SLC44A5: variants seen among roughly 807,000 people sequenced by gnomAD.
SLC44A5 encodes the protein choline transporter-like protein 5.
SLC44A5 carries 57 observed loss-of-function variants against 101.8 expected under a neutral mutation model. The observed-to-expected ratio is 0.56, with a 90% CI of 0.45 to 0.70. The LOEUF (loss-of-function observed/expected upper bound fraction) is 0.70. SLC44A5 is among the 30% of genes least tolerant of loss of function. The pLI, the probability that SLC44A5 is intolerant of heterozygous loss-of-function variation, is 0.00. For synonymous variants in SLC44A5, 281 were observed against 290.9 expected (o/e 0.97, Z 0.35); for missense variants, 737 against 853.1 (o/e 0.86, Z 1.70).
chr1:75,471,907 C>A (rs989225279), intron 2 of SLC44A5, among the ~76,000 whole-genome samples: 7 of 151,468 alleles, frequency 4.6e-5, no homozygotes, highest in Non-Finnish European at 2.9e-5. Flanking sequence ...ATTTATAATG[C>A]CACTTCCTGG....
At chr1:75,426,766 C>T (rs190353627) in intron 2 of SLC44A5, among the ~76,000 whole-genome samples, 2 of 152,308 alleles carry the variant, frequency 1.3e-5, no homozygotes, top group East Asian at 3.9e-4. Flanking sequence ...ACAGCTGAAG[C>T]CACTCACGAC....
intron 23 of SLC44A5, among the ~76,000 whole-genome samples, chr1:75,204,079 C>T (rs1273291217): frequency 6.6e-6 from 1 of 152,020 alleles, no homozygotes; most frequent in African/African-American, 2.4e-5. Flanking sequence ...CAGATTCTGC[C>T]AATATTGCGT....
chr1:75,590,779 A>G (rs388916), intron 1 of SLC44A5, among the ~76,000 whole-genome samples: 119,031 of 151,916 alleles, frequency 0.78, 47,041 homozygotes, highest in East Asian at 0.94. Context: ...TGCCAGGTCA[A>G]CAACAATAAA....
At chr1:75,606,629 C>T (rs1422456222) in intron 1 of SLC44A5, among the ~76,000 whole-genome samples, 1 of 151,920 alleles carries the variant, frequency 6.6e-6, no homozygotes, top group East Asian at 1.9e-4. Context: ...CCTCTTCATT[C>T]TCTCTTAACC....
chr1:75,457,219 C>A (rs747475862), intron 2 of SLC44A5, among the ~76,000 whole-genome samples: 2 of 152,068 alleles, frequency 1.3e-5, no homozygotes, highest in Non-Finnish European at 2.9e-5. Context: ...GAAAGAAAAG[C>A]TTTATCAAGT....
At chr1:75,296,808 G>A (rs1654001833) in intron 5 of SLC44A5, among the ~76,000 whole-genome samples, 2 of 152,030 alleles carry the variant, frequency 1.3e-5, no homozygotes. Flanking sequence ...ACCAAATTTT[G>A]TTCTGCTTAT....
At chr1:75,451,331 T>A (rs868810048) in intron 2 of SLC44A5, among the ~76,000 whole-genome samples, 1 of 152,122 alleles carries the variant, frequency 6.6e-6, no homozygotes, top group Non-Finnish European at 1.5e-5. Context: ...AGCCAATTCT[T>A]ACCTATAAGC....
the SLC44A5 span, among the ~76,000 whole-genome samples, chr1:75,703,332 A>G: frequency 6.6e-6 from 1 of 152,176 alleles, no homozygotes; most frequent in Non-Finnish European, 1.5e-5. Flanking sequence ...ATGCAGACAT[A>G]AAAAAGGATG....
At chr1:75,341,711 A>C (rs980900203) in intron 3 of SLC44A5, among the ~76,000 whole-genome samples, 15 of 151,968 alleles carry the variant, frequency 9.9e-5, no homozygotes, top group Non-Finnish European at 1.9e-4. Context: ...CTCTGGCTTC[A>C]TTTTCTGCTC....
the SLC44A5 span, among the ~76,000 whole-genome samples, chr1:75,699,847 G>C: frequency 6.6e-6 from 1 of 152,016 alleles, no homozygotes; most frequent in Non-Finnish European, 1.5e-5. Context: ...AAAGGCAGGG[G>C]TTGCAATCCT....
At chr1:75,491,718 AGCAC>A (rs966999316) in intron 2 of SLC44A5, among the ~76,000 whole-genome samples, 16 of 148,610 alleles carry the variant, frequency 1.1e-4, no homozygotes, top group South Asian at 1.1e-3. Context: ...TACACACACA[AGCAC>A]GCACGCACGC....
chr1:75,691,333 G>A, the SLC44A5 span, among the ~76,000 whole-genome samples: 2 of 152,094 alleles, frequency 1.3e-5, no homozygotes, highest in African/African-American at 4.8e-5. Context: ...CTCAGAGGAG[G>A]GGTCAAGGCT....
At chr1:75,596,299 T>C (rs1162858746) in intron 1 of SLC44A5, among the ~76,000 whole-genome samples, 3 of 151,588 alleles carry the variant, frequency 2.0e-5, no homozygotes, top group Admixed American at 6.6e-5. Context: ...GAGGCAGTAA[T>C]AAATAGCCTA....
intron 2 of SLC44A5, among the ~76,000 whole-genome samples, chr1:75,433,777 G>C (rs1318919253): frequency 6.6e-6 from 1 of 152,088 alleles, no homozygotes; most frequent in Non-Finnish European, 1.5e-5. Context: ...TGCTGATAAA[G>C]ATGTACCCGA....
chr1:75,286,010 T>G (rs1346349486), intron 5 of SLC44A5, among the ~76,000 whole-genome samples: 5 of 152,108 alleles, frequency 3.3e-5, no homozygotes, highest in Admixed American at 1.3e-4. Context: ...ATAGTTTAAG[T>G]CCATTGTTGC....
intron 2 of SLC44A5, among the ~76,000 whole-genome samples, chr1:75,455,077 A>G (rs918107413): frequency 6.6e-6 from 1 of 152,152 alleles, no homozygotes; most frequent in Non-Finnish European, 1.5e-5. Flanking sequence ...AATTCTAAGC[A>G]AAAAGAACAA....
At position 75,363,363 on chromosome 1, in the gene SLC44A5, ATTCT is replaced by A. The variant is rs535909479; in HGVS notation, c.53-23737_53-23734del. On this transcript the variant is annotated intron_variant, in intron 3 of 23. Coordinates refer to ENST00000370859, the MANE Select transcript of SLC44A5 (RefSeq NM_001130058.2). ...AAAGTTATTTTTGGTTGTTTTGTAG[ATTCT>A]TTGTTTCTTTCTTGTCTTTTTTGTG... is the stretch of plus-strand genomic sequence containing the variant. 2.0e-4 allele frequency among the ~76,000 whole-genome samples: 30 copies of A among 151,810 alleles called. No individual in the cohort carries two copies. The South Asian group carries it at 4.6e-3, about 23-fold the overall frequency.
At chr1:75,466,730 A>G (rs1408481279) in intron 2 of SLC44A5, among the ~76,000 whole-genome samples, 1 of 151,818 alleles carries the variant, frequency 6.6e-6, no homozygotes, top group Non-Finnish European at 1.5e-5. Flanking sequence ...ATTCATAGCT[A>G]TTATCATACT....
chr1:75,339,584 G>A lies in SLC44A5; in HGVS notation c.99C>T (p.Asn33=). 1 of 1,603,654 alleles carries A rather than the reference G, an allele frequency of 6.2e-7. No individual in the cohort carries two copies. Among genetic ancestry groups the A allele is most frequent in the Non-Finnish European group, 8.5e-7 (1 of 1,174,710 alleles). The part of the protein sequence containing the change: ...YDPDFKGPVA[N]RSCTDVLCCM... ...TTCCCCAAAAAATAATTGCTTACCT[G>A]TTGGCAACAGGCCCCTTGAAATCTG... The change falls in exon 4 of 24, where the codon AAC becomes AAT. Residue 33 remains asparagine, a splice_region_variant and synonymous_variant. Coordinates refer to ENST00000370859, the MANE Select transcript of SLC44A5 (RefSeq NM_001130058.2).
Sources: allele counts gnomAD v4.1 joint callset (sites outside exome capture counted in the v4.1 genomes callset), GRCh38; gene constraint gnomAD v4.1.1; transcripts MANE v1.5; gene names NCBI Gene and HGNC (gene_info 2026-07-23, HGNC 2026-07-21).